Variants in LIN7A observed in about 807,000 individuals in gnomAD.
The protein encoded by LIN7A is protein lin-7 homolog A.
A neutral mutation model predicts 29.8 loss-of-function variants in LIN7A; 25 were observed. The observed-to-expected ratio is 0.84, with a 90% confidence interval of 0.61 to 1.17. LIN7A has a LOEUF of 1.17. Ranked by LOEUF, LIN7A falls within the 50% of genes most tolerant of loss-of-function variation. The probability of loss-of-function intolerance (pLI) is 0.00; values close to 1 mark genes in which losing one functional copy is unlikely to be tolerated. For synonymous variants in LIN7A, 118 were observed against 107.5 expected, an observed-to-expected ratio of 1.10 and a Z score of -0.60; for missense variants, 239 against 287.0, an observed-to-expected ratio of 0.83 and a Z score of 1.21.
intron 4 of LIN7A, chr12:80,832,651 A>T: frequency 2.2e-6 from 1 of 454,082 alleles, no homozygotes; most frequent in Non-Finnish European, 4.5e-6. Context: ...CTTCCGTGAC[A>T]TGGCTCCAGG....
chr12:80,926,271 A>G (rs914528618), intron 1 of LIN7A, among the ~76,000 whole-genome samples: 1 of 152,258 alleles, frequency 6.6e-6, no homozygotes, highest in Admixed American at 6.5e-5. Context: ...CTCCCTAAAT[A>G]TAGAGTAAAC....
intron 2 of LIN7A, among the ~76,000 whole-genome samples, chr12:80,875,614 A>G (rs1874645940): frequency 6.6e-6 from 1 of 152,220 alleles, no homozygotes; most frequent in South Asian, 2.1e-4. Flanking sequence ...TGCGATTTCT[A>G]TGAGCTCAGA....
chr12:80,816,941 G>A (rs1871565330), intron 4 of LIN7A, among the ~76,000 whole-genome samples: 1 of 152,092 alleles, frequency 6.6e-6, no homozygotes, highest in South Asian at 2.1e-4. Context: ...GCTACTTTTT[G>A]TATTTTTAGT....
chr12:80,843,095 GA>G (rs1872897255), intron 4 of LIN7A, among the ~76,000 whole-genome samples: 1 of 152,138 alleles, frequency 6.6e-6, no homozygotes, highest in South Asian at 2.1e-4. Context: ...TTTCTTTGGT[GA>G]AATTAGTAGC....
At chr12:80,926,914 C>T (rs1447374883) in intron 1 of LIN7A, among the ~76,000 whole-genome samples, 1 of 111,258 alleles carries the variant, frequency 9.0e-6, no homozygotes, top group South Asian at 3.1e-4. Flanking sequence ...GGAGACAGTG[C>T]GAGACTCCAT....
chr12:80,841,373 AAGGAAG>A (rs1565897712), intron 4 of LIN7A, among the ~76,000 whole-genome samples: 186 of 147,638 alleles, frequency 1.3e-3, no homozygotes, highest in African/African-American at 4.6e-3. Context: ...GGAAGGAAGG[AAGGAAG>A]GAAGGAAGGA....
chr12:80,873,255 C>A (rs1874510472), intron 2 of LIN7A, among the ~76,000 whole-genome samples: 1 of 152,148 alleles, frequency 6.6e-6, no homozygotes, highest in African/African-American at 2.4e-5. Flanking sequence ...ACAGGTCAAG[C>A]ACAGTGGCTC....
chr12:80,819,733 TTAGTTTA>T (rs59449675), intron 4 of LIN7A, among the ~76,000 whole-genome samples: 74,200 of 151,234 alleles, frequency 0.49, 19,016 homozygotes, highest in African/African-American at 0.65. Context: ...CATAGTGTAC[TTAGTTTA>T]TAGGATTATT....
intron 5 of LIN7A, among the ~76,000 whole-genome samples, chr12:80,801,493 T>G (rs1482807042): frequency 1.3e-5 from 2 of 152,208 alleles, no homozygotes; most frequent in Non-Finnish European, 2.9e-5. Context: ...TTACAAGATA[T>G]ATTTTTAAAA....
At chr12:80,876,039 TTTA>T (rs1874673871) in intron 2 of LIN7A, among the ~76,000 whole-genome samples, 1 of 141,430 alleles carries the variant, frequency 7.1e-6, no homozygotes, top group African/African-American at 2.7e-5. Context: ...GTTCCTTGGT[TTTA>T]TTATTTTTAT....
rs1770300645 is a variant in LIN7A at position 80,889,766 on chromosome 12, G to A, written c.83-397C>T. On this transcript the variant is annotated intron_variant, in intron 1 of 5. Coordinates refer to ENST00000552864, the MANE Select transcript of LIN7A (RefSeq NM_004664.4). ...CATTTCAGTTTGTCATAGCTACAACGTTACATGTATTACTATGATTAATGG... is the reference window on the plus strand; with the variant it reads ...CATTTCAGTTTGTCATAGCTACAACATTACATGTATTACTATGATTAATGG... Among the ~76,000 whole-genome samples, 3 of 152,030 alleles carry A rather than the reference G, an allele frequency of 2.0e-5. No homozygotes were observed. In the South Asian group the frequency reaches 6.2e-4, roughly 31 times the overall value.
chr12:80,935,851 T>C (rs1403450507), intron 1 of LIN7A: 2 of 465,468 alleles, frequency 4.3e-6, no homozygotes, highest in Admixed American at 2.0e-5. Flanking sequence ...TAAAAATAAA[T>C]CTTAGTCCGA....
chr12:80,908,480 A>T (rs1876594764), intron 1 of LIN7A, among the ~76,000 whole-genome samples: 1 of 152,084 alleles, frequency 6.6e-6, no homozygotes, highest in South Asian at 2.1e-4. Context: ...AGAGTTAAAT[A>T]TCTATACACA....
At chr12:80,816,377 C>T (rs1871535011) in intron 4 of LIN7A, among the ~76,000 whole-genome samples, 1 of 151,574 alleles carries the variant, frequency 6.6e-6, no homozygotes, top group African/African-American at 2.4e-5. Flanking sequence ...TGTCACTGCA[C>T]TCTAGCCTAG....
chr12:80,914,111 G>T (rs1876909703), intron 1 of LIN7A, among the ~76,000 whole-genome samples: 1 of 152,032 alleles, frequency 6.6e-6, no homozygotes, highest in South Asian at 2.1e-4. Context: ...ATGCCATCAA[G>T]ATCTCTTTCT....
intron 2 of LIN7A, among the ~76,000 whole-genome samples, chr12:80,878,619 T>C (rs1339744412): frequency 6.6e-6 from 1 of 152,164 alleles, no homozygotes; most frequent in Non-Finnish European, 1.5e-5. Context: ...TCTGAGCGGG[T>C]TGCTGCTGTT....
At chr12:80,905,190 AT>A (rs5799497) in intron 1 of LIN7A, among the ~76,000 whole-genome samples, 31,422 of 150,032 alleles carry the variant, frequency 0.21, 4,128 homozygotes, top group East Asian at 0.38. Context: ...ATTTCCAAGG[AT>A]TTTTTTTTTT....
intron 4 of LIN7A, among the ~76,000 whole-genome samples, chr12:80,839,743 A>G (rs1021848589): frequency 1.3e-5 from 2 of 152,206 alleles, no homozygotes; most frequent in Non-Finnish European, 2.9e-5. Flanking sequence ...CATTCTGCAT[A>G]AGTAATTTGG....
chr12:80,830,266 T>C (rs1003195880), intron 4 of LIN7A, among the ~76,000 whole-genome samples: 4 of 152,232 alleles, frequency 2.6e-5, no homozygotes, highest in Non-Finnish European at 5.9e-5. Flanking sequence ...TCAGGAACTG[T>C]GTTATGCCAT....
Sources: allele counts gnomAD v4.1 joint callset (sites outside exome capture counted in the v4.1 genomes callset), GRCh38; gene constraint gnomAD v4.1.1; transcripts MANE v1.5; gene names NCBI Gene and HGNC (gene_info 2026-07-23, HGNC 2026-07-21).